DNAJC1: variants seen among roughly 807,000 people sequenced by gnomAD.
DNAJC1 encodes the protein DnaJ heat shock protein family (Hsp40) member C1.
In DNAJC1, 58 loss-of-function variants were observed where a neutral mutation model predicts 76.6. That is an observed-to-expected ratio of 0.76 (90% CI 0.61 to 0.94). The LOEUF (loss-of-function observed/expected upper bound fraction) is 0.94. Ranked by LOEUF, DNAJC1 falls within the 40% of genes least tolerant of loss-of-function variation. The probability of loss-of-function intolerance (pLI) is 0.00; values close to 1 mark genes in which losing one functional copy is unlikely to be tolerated. For missense variants in DNAJC1, 689 were observed against 677.3 expected (o/e 1.02, Z -0.19); for synonymous variants, 258 against 267.9 (o/e 0.96, Z 0.36).
chr10:21,834,356 G>A (rs986758659), intron 8 of DNAJC1, among the ~76,000 whole-genome samples: 3 of 152,230 alleles, frequency 2.0e-5, no homozygotes, highest in South Asian at 2.1e-4. Context: ...CAAGATGGCC[G>A]AATGGGAACA....
At chr10:21,850,263 CATT>C (rs1835730949) in intron 8 of DNAJC1, among the ~76,000 whole-genome samples, 1 of 152,074 alleles carries the variant, frequency 6.6e-6, no homozygotes. Flanking sequence ...AATTCAGTAA[CATT>C]ATAGGTACAA....
At chr10:21,925,332 C>T (rs1367697806) in intron 3 of DNAJC1, among the ~76,000 whole-genome samples, 1 of 152,036 alleles carries the variant, frequency 6.6e-6, no homozygotes. Flanking sequence ...ATGTGGTCCC[C>T]CATTGAGTCA....
chr10:21,864,067 C>A (rs1835956688), intron 8 of DNAJC1, among the ~76,000 whole-genome samples: 1 of 151,938 alleles, frequency 6.6e-6, no homozygotes. Flanking sequence ...ATTAGCTAGG[C>A]ATGGTGCCGT....
intron 8 of DNAJC1, among the ~76,000 whole-genome samples, chr10:21,828,449 T>C (rs1835299410): frequency 6.6e-6 from 1 of 152,254 alleles, no homozygotes; most frequent in African/African-American, 2.4e-5. Flanking sequence ...ATGCTTCAAA[T>C]ATTTTACAAG....
chr10:21,864,730 A>G (rs1835969675), intron 8 of DNAJC1, among the ~76,000 whole-genome samples: 2 of 152,262 alleles, frequency 1.3e-5, no homozygotes, highest in East Asian at 3.9e-4. Context: ...AAAGAAGTAT[A>G]AAAGAAAAAA....
At chr10:21,759,673 G>C (rs182323951) in intron 10 of DNAJC1, 55 bp from the exon 11 acceptor site, 276 of 1,542,962 alleles carry the variant, frequency 1.8e-4, no homozygotes, top group Non-Finnish European at 2.3e-4. Context: ...TTAAGGAGAC[G>C]GTGAGAACAG....
intron 8 of DNAJC1, among the ~76,000 whole-genome samples, chr10:21,858,511 T>A (rs1018545256): frequency 1.3e-5 from 2 of 152,210 alleles, no homozygotes; most frequent in African/African-American, 4.8e-5. Flanking sequence ...CAAGGTTTCA[T>A]GGAAGAAAAT....
At chr10:21,989,519 G>A (rs1419636699) in intron 1 of DNAJC1, among the ~76,000 whole-genome samples, 1 of 152,134 alleles carries the variant, frequency 6.6e-6, no homozygotes, top group Non-Finnish European at 1.5e-5. Context: ...AGAGTGATGA[G>A]GACTGAAAGT....
At chr10:21,951,811 A>G (rs1228879513) in intron 1 of DNAJC1, among the ~76,000 whole-genome samples, 2 of 152,252 alleles carry the variant, frequency 1.3e-5, no homozygotes, top group African/African-American at 4.8e-5. Context: ...ACTTTGTTAC[A>G]CAATTAAAAG....
At chr10:21,990,169 G>T (rs1396374755) in intron 1 of DNAJC1, among the ~76,000 whole-genome samples, 1 of 152,126 alleles carries the variant, frequency 6.6e-6, no homozygotes, top group Non-Finnish European at 1.5e-5. Context: ...TGGCATACAA[G>T]AAATCATCTT....
intron 10 of DNAJC1, among the ~76,000 whole-genome samples, chr10:21,763,221 G>A (rs1442164764): frequency 1.3e-5 from 2 of 152,130 alleles, no homozygotes; most frequent in African/African-American, 4.8e-5. Flanking sequence ...GTGAGGCACC[G>A]TGCCCAGCCA....
At chr10:21,840,568 G>A (rs138776326) in intron 8 of DNAJC1, among the ~76,000 whole-genome samples, 5,393 of 152,200 alleles carry the variant, frequency 0.035, 167 homozygotes, top group African/African-American at 0.07. Flanking sequence ...CTTCTTCAAG[G>A]AGAACTACAA....
chr10:21,999,935 G>A (rs1838491364), intron 1 of DNAJC1, among the ~76,000 whole-genome samples: 1 of 152,068 alleles, frequency 6.6e-6, no homozygotes, highest in Non-Finnish European at 1.5e-5. Context: ...CTCTACACCT[G>A]AATAACCAAT....
intron 1 of DNAJC1, among the ~76,000 whole-genome samples, chr10:21,977,825 T>C (rs1412169159): frequency 1.3e-5 from 2 of 152,156 alleles, no homozygotes; most frequent in African/African-American, 4.8e-5. Flanking sequence ...GTTTTCTCTC[T>C]TTTGGAAAGC....
At chr10:21,923,050 T>C (rs1458030363) in intron 3 of DNAJC1, among the ~76,000 whole-genome samples, 1 of 151,972 alleles carries the variant, frequency 6.6e-6, no homozygotes, top group Non-Finnish European at 1.5e-5. Flanking sequence ...TGTCTGTTAA[T>C]AGCTACTATT....
chr10:21,778,098 A>G lies in DNAJC1; in HGVS notation c.1099-11789T>C, dbSNP rs59822331. 5.9e-3 allele frequency among the ~76,000 whole-genome samples: 900 copies of G among 152,360 alleles called. 10 individuals are homozygous for G. The highest frequency in any genetic ancestry group is 0.021 in the African/African-American group (854 of 41,584). Reference sequence around the variant, plus strand: ...CAGCTACTTGAGAGGCTGAAGCATGAGAATCGCTTGAACCCAGGAGGCAGA... The same window carrying G: ...CAGCTACTTGAGAGGCTGAAGCATGGGAATCGCTTGAACCCAGGAGGCAGA... On this transcript the variant is annotated intron_variant, in intron 9 of 11. Transcript: ENST00000376980.
In DNAJC1 at chr10:21,759,043, G is replaced by A. The variant is rs563281295; in HGVS notation, c.1596+127C>T. On this transcript the variant is annotated intron_variant, in intron 11 of 11. Transcript: ENST00000376980. ...GGAGAAATATACTGGAAGATAAATG[G>A]GAAAGAAGAAATCACGGGGCAGGTG... 8.3e-6 allele frequency: 8 copies of A among 961,890 alleles called. No homozygotes were observed. In the East Asian group the frequency reaches 1.4e-4, roughly 17 times the overall value. 59.6% of individuals were successfully genotyped at this position (961,890 alleles called of 1,614,324 possible).
chr10:21,958,711 C>G (rs568352974), intron 1 of DNAJC1, among the ~76,000 whole-genome samples: 33 of 152,198 alleles, frequency 2.2e-4, no homozygotes, highest in Non-Finnish European at 2.8e-4. Context: ...CAGGAGTGAG[C>G]CACCGCGCCT....
At chr10:21,776,271 T>C (rs1395196727) in intron 9 of DNAJC1, among the ~76,000 whole-genome samples, 1 of 152,294 alleles carries the variant, frequency 6.6e-6, no homozygotes, top group South Asian at 2.1e-4. Context: ...AAAGAAGAAT[T>C]TTCCAACTTT....
Sources: gnomAD v4.1 joint callset for allele counts (sites outside exome capture counted in the v4.1 genomes callset) on GRCh38, gnomAD v4.1.1 for gene constraint, MANE v1.5 for transcripts, NCBI Gene and HGNC (gene_info 2026-07-23, HGNC 2026-07-21) for gene names.